ZC3H3: variants seen among roughly 807,000 people sequenced by gnomAD.
The protein encoded by ZC3H3 is zinc finger CCCH domain-containing protein 3.
ZC3H3 carries 36 observed loss-of-function variants against 77.3 expected under a neutral mutation model. The ratio of observed to expected loss-of-function variants is 0.47; its 90% confidence interval spans 0.36 to 0.61. ZC3H3 has a LOEUF of 0.61. ZC3H3 is among the 20% of genes least tolerant of loss of function. The probability of loss-of-function intolerance (pLI) is 0.00; values close to 1 mark genes in which losing one functional copy is unlikely to be tolerated. For missense variants in ZC3H3, 1,331 were observed against 1,312.2 expected (o/e 1.01, Z -0.22); for synonymous variants, 626 against 555.2 (o/e 1.13, Z -1.79).
In ZC3H3 at chr8:143,462,059, C is replaced by T. The variant is rs1357698435; in HGVS notation, c.2307+3658G>A. On this transcript the variant is annotated intron_variant, in intron 9 of 11. Coordinates refer to ENST00000262577, the MANE Select transcript of ZC3H3 (RefSeq NM_015117.3). The surrounding 1 kb of genome is among the most constrained non-coding windows in gnomAD (Gnocchi z 4.7). The stretch of plus-strand genomic sequence containing the variant: ...AAAGCACCCACGACATGAAGAAAAA[C>T]TAAGTGAGGCCCCACCTCACACAAC... Among the ~76,000 whole-genome samples, 4 of 151,516 alleles carry T rather than the reference C, an allele frequency of 2.6e-5. No homozygotes were observed. Among genetic ancestry groups the T allele is most frequent in the South Asian group, 2.1e-4 (1 of 4,794 alleles).
intron 3 of ZC3H3, among the ~76,000 whole-genome samples, chr8:143,535,457 A>G (rs1398904496): frequency 6.6e-6 from 1 of 152,174 alleles, no homozygotes; most frequent in Admixed American, 6.5e-5. Context: ...TCACTGCCCT[A>G]ACGCGCCCAG....
intron 4 of ZC3H3, among the ~76,000 whole-genome samples, chr8:143,500,995 T>TA (rs1284160242): frequency 7.5e-6 from 1 of 133,546 alleles, no homozygotes; most frequent in Non-Finnish European, 1.6e-5. Flanking sequence ...TTTTTTTTTT[T>TA]AAGTAGAGAC....
At chr8:143,504,930 C>T (rs1298642368) in intron 4 of ZC3H3, among the ~76,000 whole-genome samples, 1 of 152,230 alleles carries the variant, frequency 6.6e-6, no homozygotes, top group African/African-American at 2.4e-5. Flanking sequence ...GGGTTTGCTT[C>T]AGCAACAGAG....
Position 143,463,418 on chromosome 8 carries a change from G to A in ZC3H3, c.2307+2299C>T, listed in dbSNP as rs148958330. The stretch of plus-strand genomic sequence containing the variant: ...TGTCAGGCACATCATAAGGGCAGGA[G>A]CCCTGGCAGGGCAGCATATTAAAAG... On this transcript the variant is annotated intron_variant, in intron 9 of 11. Coordinates refer to ENST00000262577, the MANE Select transcript of ZC3H3 (RefSeq NM_015117.3). Among the ~76,000 whole-genome samples, 200 of 152,318 alleles carry A rather than the reference G, an allele frequency of 1.3e-3. 1 individual carries two copies. In the Middle Eastern group the frequency reaches 0.02, roughly 16 times the overall value.
intron 4 of ZC3H3, among the ~76,000 whole-genome samples, chr8:143,506,498 C>T (rs1392335189): frequency 2.6e-5 from 4 of 152,118 alleles, no homozygotes; most frequent in African/African-American, 9.7e-5. Context: ...ATTAGATCCA[C>T]TTAGCAATGT....
chr8:143,466,038 A>G (rs1482256237), intron 8 of ZC3H3, among the ~76,000 whole-genome samples, 190 bp from the exon 9 acceptor site: 1 of 152,280 alleles, frequency 6.6e-6, no homozygotes, highest in African/African-American at 2.4e-5. Flanking sequence ...CAGCCTCCCC[A>G]GGTGAGCCAC....
At chr8:143,471,744 C>T (rs903884228) in intron 5 of ZC3H3, among the ~76,000 whole-genome samples, 8 of 152,178 alleles carry the variant, frequency 5.3e-5, no homozygotes, top group Non-Finnish European at 1.0e-4. Flanking sequence ...GGGGGTCAGC[C>T]AGGACAGCCA....
chr8:143,476,465 G>C (rs1820737271), intron 4 of ZC3H3, among the ~76,000 whole-genome samples: 1 of 152,164 alleles, frequency 6.6e-6, no homozygotes, highest in Admixed American at 6.5e-5. Context: ...GAAGCCAAGG[G>C]GCAGAGTAAG....
chr8:143,448,447 A>G (rs554277336), intron 9 of ZC3H3, among the ~76,000 whole-genome samples: 1 of 152,394 alleles, frequency 6.6e-6, no homozygotes, highest in East Asian at 1.9e-4. Context: ...CAGCCAAAAG[A>G]AAGGGGTACA....
chr8:143,502,692 G>A (rs1249859497), intron 4 of ZC3H3, among the ~76,000 whole-genome samples: 1 of 152,222 alleles, frequency 6.6e-6, no homozygotes, highest in Non-Finnish European at 1.5e-5. Flanking sequence ...AGGGATATAA[G>A]TCACATTTCA....
chr8:143,472,019 C>T (rs554062924), intron 5 of ZC3H3, among the ~76,000 whole-genome samples: 69 of 152,164 alleles, frequency 4.5e-4, no homozygotes, highest in African/African-American at 1.4e-3. Flanking sequence ...CTGCCACAGT[C>T]GCCACCAAGG....
rs190418667 is a variant in ZC3H3, at chr8:143,443,030, T to A, written c.2308-1910A>T. Among the ~76,000 whole-genome samples the A allele has an allele frequency of 6.0e-3, 915 of 152,190 alleles. 10 individuals carry two copies. Among genetic ancestry groups the A allele is most frequent in the Non-Finnish European group, 0.01 (702 of 67,990 alleles). ...GCTCACGCCGGTAATTCCAGCACTTTGGGAGCAAAAGCGGGTGGATCACTT... is the reference window on the plus strand; with the variant it reads ...GCTCACGCCGGTAATTCCAGCACTTAGGGAGCAAAAGCGGGTGGATCACTT... On this transcript the variant is annotated intron_variant, in intron 9 of 11. Coordinates refer to ENST00000262577, the MANE Select transcript of ZC3H3 (RefSeq NM_015117.3).
chr8:143,481,310 G>T (rs1240735255), intron 4 of ZC3H3, among the ~76,000 whole-genome samples: 1 of 152,190 alleles, frequency 6.6e-6, no homozygotes, highest in Non-Finnish European at 1.5e-5. Flanking sequence ...TGGGAACCAG[G>T]GGCTCCTTCC....
chr8:143,505,381 C>G (rs1255350960), intron 4 of ZC3H3, among the ~76,000 whole-genome samples: 2 of 152,248 alleles, frequency 1.3e-5, no homozygotes, highest in Non-Finnish European at 2.9e-5. Context: ...CAGCCGCTGG[C>G]CCAGACGCCC....
chr8:143,521,715 C>T (rs1822248003), intron 3 of ZC3H3, among the ~76,000 whole-genome samples: 1 of 152,192 alleles, frequency 6.6e-6, no homozygotes, highest in Non-Finnish European at 1.5e-5. Context: ...TCAGCCCCTC[C>T]CCCACCAGTG....
chr8:143,450,655 G>C (rs1302298417), intron 9 of ZC3H3, among the ~76,000 whole-genome samples: 1 of 152,266 alleles, frequency 6.6e-6, no homozygotes, highest in Non-Finnish European at 1.5e-5. Flanking sequence ...GAGGGGGCTG[G>C]AGCAGGAGGT....
At chr8:143,519,941 T>C (rs1385515601) in intron 3 of ZC3H3, among the ~76,000 whole-genome samples, 1 of 152,016 alleles carries the variant, frequency 6.6e-6, no homozygotes. Context: ...CCCCATGCCA[T>C]CCCAACAGAC....
chr8:143,441,294 G>C (rs1819736028), intron 9 of ZC3H3, among the ~76,000 whole-genome samples, 174 bp from the exon 10 acceptor site: 1 of 152,136 alleles, frequency 6.6e-6, no homozygotes, highest in Admixed American at 6.5e-5. Flanking sequence ...AGTCCAGAGA[G>C]GTTCCACCTG....
intron 9 of ZC3H3, among the ~76,000 whole-genome samples, chr8:143,465,333 T>TGCA (rs1820378894): frequency 6.6e-6 from 1 of 151,512 alleles, no homozygotes. Flanking sequence ...TGGCCCCACA[T>TGCA]CCTGCAGCCC....
Sources: gnomAD v4.1 joint callset for allele counts (sites outside exome capture counted in the v4.1 genomes callset) on GRCh38, gnomAD v4.1.1 for gene constraint, Gnocchi (gnomAD v3.1) non-coding constraint, MANE v1.5 for transcripts, NCBI Gene and HGNC (gene_info 2026-07-23, HGNC 2026-07-21) for gene names.